The following RPS6KA6 variants were observed in gnomAD, a reference collection of about 807,000 sequenced individuals.
RPS6KA6 encodes the protein ribosomal protein S6 kinase A6.
Under a neutral mutation model 65.4 loss-of-function variants are expected in RPS6KA6, and 27 were observed. The ratio of observed to expected loss-of-function variants is 0.41; its 90% CI spans 0.30 to 0.57. RPS6KA6 has a LOEUF of 0.57. Among genes scored for constraint, RPS6KA6 ranks in the 20% least tolerant of loss-of-function variants. The probability of loss-of-function intolerance (pLI) is 0.24; values close to 1 mark genes in which losing one functional copy is unlikely to be tolerated. For missense variants in RPS6KA6, 486 were observed against 555.6 expected, an observed-to-expected ratio of 0.87 and a Z score of 1.26; for synonymous variants, 190 against 184.2, an observed-to-expected ratio of 1.03 and a Z score of -0.26.
intron 20 of RPS6KA6, among the ~76,000 whole-genome samples, chrX:84,077,933 T>C (rs979798082): frequency 1.8e-5 from 2 of 112,524 alleles, no homozygotes; most frequent in Admixed American, 9.5e-5. Flanking sequence ...CCATCATAAG[T>C]TGGGAAACCT....
intron 20 of RPS6KA6, among the ~76,000 whole-genome samples, chrX:84,083,753 G>T (rs753306032): frequency 8.9e-6 from 1 of 111,893 alleles, no homozygotes; most frequent in South Asian, 3.7e-4. Context: ...GGGATTGCTG[G>T]GTCAAATGGT....
chrX:84,106,394 C>CG lies in RPS6KA6; in HGVS notation c.1335_1336insC (p.Ala446ArgfsTer13). On this transcript the variant is annotated frameshift_variant, in exon 15 of 22. Transcript: ENST00000262752. LOFTEE classifies it high-confidence loss of function. Reference sequence around the variant, plus strand: ...ACTGCAAATTCCATGTTGGTAGTTGCATGTATGCATCGCTTGCAAACAGAG... The same window carrying CG: ...ACTGCAAATTCCATGTTGGTAGTTGCGATGTATGCATCGCTTGCAAACAGAG... 1.7e-6 allele frequency: 2 copies of CG among 1,199,472 alleles called. No homozygotes were observed. The highest frequency in any genetic ancestry group is 2.3e-6 in the Non-Finnish European group (2 of 887,104).
At position 84,064,135 on chromosome X, in the gene RPS6KA6, C is replaced by A; in HGVS notation, c.*142G>T. ...TGGACCTGTGAATGGTTTTTTAAATCTCACTTCCCCTAAAAATGGGGATTT... is the reference window on the plus strand; with the variant it reads ...TGGACCTGTGAATGGTTTTTTAAATATCACTTCCCCTAAAAATGGGGATTT... On this transcript the variant is annotated 3_prime_UTR_variant, in exon 22 of 22. Transcript: ENST00000262752. 1.5e-6 allele frequency: 1 copy of A among 673,546 alleles called. No individual in the cohort carries two copies. The highest frequency in any genetic ancestry group is 3.7e-5 in the East Asian group (1 of 27,392). 55.5% of individuals were successfully genotyped at this position (673,546 alleles called of 1,213,427 possible).
intron 1 of RPS6KA6, among the ~76,000 whole-genome samples, chrX:84,182,838 C>T (rs1280074381): frequency 8.9e-6 from 1 of 112,175 alleles, no homozygotes; most frequent in Non-Finnish European, 1.9e-5. Context: ...TCCCTGCTCT[C>T]CTTCCACATT....
chrX:84,078,147 C>T (rs763702364), intron 20 of RPS6KA6, among the ~76,000 whole-genome samples: 1 of 111,615 alleles, frequency 9.0e-6, no homozygotes, highest in Non-Finnish European at 1.9e-5. Context: ...CTCAAAAACC[C>T]AGTGAAAAAG....
chrX:84,096,136 C>T (rs1602401176), intron 20 of RPS6KA6, 58 bp downstream of exon 20: 2 of 746,447 alleles, frequency 2.7e-6, no homozygotes, highest in East Asian at 6.4e-5. Context: ...TAAGCTATAA[C>T]TTAGGGATTT....
intron 6 of RPS6KA6, among the ~76,000 whole-genome samples, chrX:84,138,753 A>G (rs1279280488): frequency 9.1e-6 from 1 of 110,349 alleles, no homozygotes; most frequent in East Asian, 2.9e-4. Flanking sequence ...TTTCTTGAAT[A>G]AGGAAAATAG....
intron 8 of RPS6KA6, among the ~76,000 whole-genome samples, chrX:84,126,981 AT>A (rs2034804290): frequency 9.0e-6 from 1 of 111,612 alleles, no homozygotes; most frequent in African/African-American, 3.2e-5. Flanking sequence ...AGTAATAAAT[AT>A]CAGAGCAGAA....
chrX:84,110,147 C>T (rs766897771), intron 12 of RPS6KA6, among the ~76,000 whole-genome samples: 8 of 111,858 alleles, frequency 7.2e-5, no homozygotes, highest in East Asian at 2.9e-4. Flanking sequence ...AGCTATACTG[C>T]GGTCTGGAGA....
intron 20 of RPS6KA6, among the ~76,000 whole-genome samples, chrX:84,084,211 A>G (rs941037600): frequency 1.8e-5 from 2 of 112,211 alleles, no homozygotes; most frequent in Non-Finnish European, 3.8e-5. Flanking sequence ...TCTTTAGTTT[A>G]ATTAGATCCC....
At position 84,059,608 on chromosome X, in the gene RPS6KA6, C is replaced by T. The variant is rs1484008142; in HGVS notation, c.*4669G>A. On this transcript the variant is annotated 3_prime_UTR_variant, in exon 22 of 22. Transcript: ENST00000262752. ...AAGATAAAAGTAACCTAATCAGTCA[C>T]ATTTTGACAATTTTTTAATAAACGA... is the stretch of plus-strand genomic sequence containing the variant. 2 of 111,879 alleles carry T rather than the reference C, an allele frequency of 1.8e-5. No homozygotes were observed. Among genetic ancestry groups the T allele is most frequent in the African/African-American group, 3.2e-5 (1 of 30,828 alleles). 9.2% of individuals were successfully genotyped at this position (111,879 alleles called of 1,213,427 possible).
chrX:84,119,072 C>T lies in RPS6KA6; in HGVS notation c.789+813G>A, dbSNP rs773806071. Among the ~76,000 whole-genome samples, 5 of 111,778 alleles carry T rather than the reference C, an allele frequency of 4.5e-5. No homozygotes were observed. The South Asian group carries it at 1.8e-3, about 41-fold the overall frequency. On this transcript the variant is annotated intron_variant, in intron 9 of 21. Transcript: ENST00000262752. Reference sequence around the variant, plus strand: ...ATCCTTCAGGGCTTAATTTAAGTTCCAACTCTTTCAGTTTGCCTACATCAG... The same window carrying T: ...ATCCTTCAGGGCTTAATTTAAGTTCTAACTCTTTCAGTTTGCCTACATCAG...
chrX:84,078,029 T>C lies in RPS6KA6; in HGVS notation c.1972-12918A>G, dbSNP rs138533643. 2.5e-3 allele frequency among the ~76,000 whole-genome samples: 285 copies of C among 112,173 alleles called. 1 individual carries two copies. Among genetic ancestry groups the C allele is most frequent in the African/African-American group, 8.9e-3 (275 of 30,954 alleles). On this transcript the variant is annotated intron_variant, in intron 20 of 21. Transcript: ENST00000262752. ...TACGAAAGAAAAAGAATAATCTTTA[T>C]CAAATTAGAAATGACTTCTTTGAAA...
chrX:84,122,714 C>T (rs1046169077), intron 8 of RPS6KA6, among the ~76,000 whole-genome samples: 3 of 111,420 alleles, frequency 2.7e-5, no homozygotes, highest in Non-Finnish European at 5.6e-5. Context: ...CAGCAAGCCT[C>T]GCCATCTTGG....
intron 20 of RPS6KA6, among the ~76,000 whole-genome samples, chrX:84,091,268 G>A (rs763048083): frequency 6.3e-4 from 71 of 112,522 alleles, no homozygotes; most frequent in African/African-American, 2.2e-3. Context: ...GACAACATGT[G>A]TATAAAATGT....
At chrX:84,143,220 C>T (rs1052420238) in intron 6 of RPS6KA6, among the ~76,000 whole-genome samples, 3 of 111,014 alleles carry the variant, frequency 2.7e-5, no homozygotes, top group Non-Finnish European at 5.7e-5. Flanking sequence ...ATTATAATCT[C>T]AATAAATGAA....
intron 8 of RPS6KA6, among the ~76,000 whole-genome samples, chrX:84,130,265 T>G (rs1223405067): frequency 8.9e-6 from 1 of 111,825 alleles, no homozygotes; most frequent in Admixed American, 9.5e-5. Context: ...GAAAATGTGC[T>G]TAGTGTCATT....
At position 84,174,286 on chromosome X, in the gene RPS6KA6, T is replaced by G. The variant is rs1424761802; in HGVS notation, c.82-9899A>C. Among the ~76,000 whole-genome samples the G allele has an allele frequency of 2.7e-5, 3 of 112,088 alleles. No homozygotes were observed. The Admixed American group carries it at 2.9e-4, about 11-fold the overall frequency. ...CAACTACAATACTCATTTTAAATGA[T>G]TTACTTTGATCCTTTCTGGCTTTCT... is the stretch of plus-strand genomic sequence containing the variant. On this transcript the variant is annotated intron_variant, in intron 1 of 21. Transcript: ENST00000262752.
At chrX:84,151,059 T>C (rs2035306338) in intron 3 of RPS6KA6, among the ~76,000 whole-genome samples, 1 of 97,509 alleles carries the variant, frequency 1.0e-5, no homozygotes, top group Admixed American at 1.2e-4. Flanking sequence ...AGGATAGATA[T>C]ATAGAGGATA....
Sources: gnomAD v4.1 joint callset for allele counts (sites outside exome capture counted in the v4.1 genomes callset) on GRCh38, gnomAD v4.1.1 for gene constraint, MANE v1.5 for transcripts, NCBI Gene and HGNC (gene_info 2026-07-23, HGNC 2026-07-21) for gene names.